Variants in FRMPD1 observed in about 807,000 individuals in gnomAD.
FRMPD1 encodes the protein FERM and PDZ domain-containing protein 1.
In FRMPD1, 76 loss-of-function variants were observed where a neutral mutation model predicts 117.8. The ratio of observed to expected loss-of-function variants is 0.65; its 90% CI spans 0.54 to 0.78. The LOEUF (loss-of-function observed/expected upper bound fraction) is 0.78, where lower values mean the gene tolerates loss of function less well. FRMPD1 is among the 30% of genes least tolerant of loss of function. The pLI is 0.00. For synonymous variants in FRMPD1, 783 were observed against 770.4 expected, an observed-to-expected ratio of 1.02 and a Z score of -0.27; for missense variants, 1,786 against 1,964.5, an observed-to-expected ratio of 0.91 and a Z score of 1.72.
intron 5 of FRMPD1, among the ~76,000 whole-genome samples, chr9:37,712,821 G>A (rs1822960962): frequency 6.6e-6 from 1 of 152,002 alleles, no homozygotes; most frequent in African/African-American, 2.4e-5. Context: ...GCAGAATAAA[G>A]TAATAAAAAT....
intron 1 of FRMPD1, among the ~76,000 whole-genome samples, 158 bp downstream of exon 1, chr9:37,651,252 C>A (rs1246362412): frequency 6.6e-6 from 1 of 152,204 alleles, no homozygotes; most frequent in African/African-American, 2.4e-5. Flanking sequence ...AAGCCCGGCT[C>A]GGGGGCGCGT....
In FRMPD1 at chr9:37,728,937, TG is replaced by T. The variant is rs1174162466; in HGVS notation, c.613-788del. Among the ~76,000 whole-genome samples, 4 of 143,996 alleles carry T rather than the reference TG, an allele frequency of 2.8e-5. No homozygotes were observed. In the Admixed American group the frequency reaches 2.9e-4, roughly 10 times the overall value. The allele number at this position is 143,996 out of a possible 152,430, so 94.5% of individuals were successfully genotyped here. A position where few individuals can be genotyped will look rare whatever the true frequency, so the allele number is the denominator to read the frequency against. On this transcript the variant is annotated intron_variant, in intron 7 of 15. Coordinates refer to ENST00000377765, the MANE Select transcript of FRMPD1 (RefSeq NM_014907.3). ...GAGATCACAGCATTGCACTCCAGCC[TG>T]GGCGACAGAGCGAGATTCCGTCTCA...
At chr9:37,720,852 G>A (rs928261722) in intron 6 of FRMPD1, among the ~76,000 whole-genome samples, 19 of 152,314 alleles carry the variant, frequency 1.2e-4, no homozygotes, top group Admixed American at 3.9e-4. Flanking sequence ...GCGCCACTGC[G>A]CTTCAGCCTG....
chr9:37,697,424 G>A (rs1458737501), intron 2 of FRMPD1, among the ~76,000 whole-genome samples: 7 of 151,946 alleles, frequency 4.6e-5, no homozygotes, highest in African/African-American at 9.6e-5. Flanking sequence ...AAAATTAGCC[G>A]GGCGTGGTGG....
the FRMPD1 span, among the ~76,000 whole-genome samples, chr9:37,610,303 T>G: frequency 6.6e-6 from 1 of 152,202 alleles, no homozygotes; most frequent in Admixed American, 6.5e-5. Flanking sequence ...GGCAGAGATT[T>G]TTGTCTCTTT....
chr9:37,736,879 A>G (rs111647995), intron 13 of FRMPD1, among the ~76,000 whole-genome samples: 38 of 110,822 alleles, frequency 3.4e-4, no homozygotes, highest in African/African-American at 6.9e-4. Context: ...GTGTGTGTGT[A>G]TGTGTGCGCA....
At position 37,739,641 on chromosome 9, in the gene FRMPD1, A is replaced by G. The variant is rs191012449; in HGVS notation, c.1550-437A>G. The stretch of plus-strand genomic sequence containing the variant: ...GGCCCCACTTCTAGCGATCTGACTC[A>G]GTACATCAGGGGTAGGGCCAAGGAT... On this transcript the variant is annotated intron_variant, in intron 14 of 15. Transcript: ENST00000377765. Among the ~76,000 whole-genome samples the G allele has an allele frequency of 3.6e-3, 550 of 152,324 alleles. 4 individuals are homozygous for G. Among genetic ancestry groups the G allele is most frequent in the African/African-American group, 0.013 (533 of 41,574 alleles).
chr9:37,669,843 A>G (rs1821287641), intron 1 of FRMPD1: 1 of 152,068 alleles, frequency 6.6e-6, no homozygotes, highest in African/African-American at 2.4e-5. Flanking sequence ...AAAATACAAA[A>G]TTAGCCGGGC....
chr9:37,739,451 C>T (rs927382318), intron 14 of FRMPD1, among the ~76,000 whole-genome samples: 3 of 152,122 alleles, frequency 2.0e-5, no homozygotes, highest in Admixed American at 6.5e-5. Flanking sequence ...GCTCAGTGCT[C>T]CCCAGCCTCC....
intron 4 of FRMPD1, among the ~76,000 whole-genome samples, chr9:37,710,164 T>C (rs917222296): frequency 6.6e-6 from 1 of 152,226 alleles, no homozygotes; most frequent in Non-Finnish European, 1.5e-5. Flanking sequence ...CACTTGCATT[T>C]GGGTTTATTG....
the FRMPD1 span, among the ~76,000 whole-genome samples, chr9:37,629,937 A>G: frequency 6.6e-6 from 1 of 152,166 alleles, no homozygotes; most frequent in South Asian, 2.1e-4. Context: ...GTTCAATATC[A>G]GGGTGTCATC....
chr9:37,741,013 A>T (rs1285787953), intron 15 of FRMPD1, 129 bp downstream of exon 15: 1 of 703,734 alleles, frequency 1.4e-6, no homozygotes, highest in Non-Finnish European at 2.5e-6. Flanking sequence ...ACTTCTGAGG[A>T]GGTAGATACA....
At chr9:37,710,745 T>TC in intron 4 of FRMPD1, among the ~76,000 whole-genome samples, 1 of 152,180 alleles carries the variant, frequency 6.6e-6, no homozygotes, top group East Asian at 1.9e-4. Flanking sequence ...GGTGGGCAGA[T>TC]CACCAGGTCA....
rs963338006 is a variant in FRMPD1 at position 37,745,095 on chromosome 9, C to G, written c.3063C>G (p.Asn1021Lys). 1 of 1,614,044 alleles carries G rather than the reference C, an allele frequency of 6.2e-7. No homozygotes were observed. Among genetic ancestry groups the G allele is most frequent in the Non-Finnish European group, 8.5e-7 (1 of 1,179,910 alleles). The change falls in exon 16 of 16, where the codon AAC becomes AAG. Residue 1021 changes from asparagine to lysine, a missense_variant. Transcript: ENST00000377765. ...SSFSLSSGDP[N>K]PDRACLASNP... is the part of the protein sequence containing the mutation. ...TCTCCCTCTCCAGTGGTGACCCTAA[C>G]CCAGACAGAGCCTGCCTGGCCAGCA... is the stretch of plus-strand genomic sequence containing the variant.
chr9:37,622,762 T>A, the FRMPD1 span, among the ~76,000 whole-genome samples: 1 of 152,238 alleles, frequency 6.6e-6, no homozygotes, highest in Non-Finnish European at 1.5e-5. Flanking sequence ...TACATTGCAG[T>A]AGTCTCATTA....
At chr9:37,666,950 C>T (rs963221709) in intron 1 of FRMPD1, among the ~76,000 whole-genome samples, 3 of 151,980 alleles carry the variant, frequency 2.0e-5, no homozygotes, top group Middle Eastern at 3.2e-3. Flanking sequence ...GTTCCGTCCT[C>T]GCCTTGCATC....
the FRMPD1 span, among the ~76,000 whole-genome samples, chr9:37,641,833 A>G: frequency 3.3e-5 from 5 of 152,142 alleles, no homozygotes; most frequent in Middle Eastern, 3.2e-3. Flanking sequence ...AGTTACTTTC[A>G]TTTAGATTTA....
chr9:37,715,369 A>G (rs533313189), intron 5 of FRMPD1, among the ~76,000 whole-genome samples: 1 of 152,256 alleles, frequency 6.6e-6, no homozygotes, highest in Admixed American at 6.5e-5. Flanking sequence ...AGACTCCGGA[A>G]CCCACATTCC....
intron 7 of FRMPD1, 56 bp from the exon 8 acceptor site, chr9:37,729,671 GC>G: frequency 6.3e-7 from 1 of 1,585,872 alleles, no homozygotes. Flanking sequence ...TGGCAGGAAG[GC>G]CAGGGAAGTC....
Sources: allele counts gnomAD v4.1 joint callset (sites outside exome capture counted in the v4.1 genomes callset), GRCh38; gene constraint gnomAD v4.1.1; transcripts MANE v1.5; gene names NCBI Gene and HGNC (gene_info 2026-07-23, HGNC 2026-07-21).